Variants in SETD2 observed in about 807,000 individuals in gnomAD.
The protein encoded by SETD2 is histone-lysine N-methyltransferase SETD2.
Under a neutral mutation model 242.1 loss-of-function variants are expected in SETD2, and 31 were observed. The ratio of observed to expected loss-of-function variants is 0.13; its 90% CI spans 0.10 to 0.17. The LOEUF (loss-of-function observed/expected upper bound fraction) is 0.17. SETD2 is among the 10% of genes least tolerant of loss of function. The pLI is 1.00. For synonymous variants in SETD2, 1,006 were observed against 1,066.5 expected, an observed-to-expected ratio of 0.94 and a Z score of 1.11; for missense variants, 2,481 against 3,046.3, an observed-to-expected ratio of 0.81 and a Z score of 4.37.
intron 15 of SETD2, among the ~76,000 whole-genome samples, chr3:47,049,260 T>C (rs1258425121): frequency 1.4e-5 from 2 of 145,222 alleles, no homozygotes; most frequent in Admixed American, 1.4e-4. Flanking sequence ...TTTTTTTATA[T>C]CCTTATTCTT....
At chr3:47,147,135 C>T (rs959482721) in intron 1 of SETD2, among the ~76,000 whole-genome samples, 1 of 151,950 alleles carries the variant, frequency 6.6e-6, no homozygotes, top group Admixed American at 6.6e-5. Context: ...CTCAGCCTCC[C>T]AAGTAGCTGG....
rs180900605 is a variant in SETD2, at chr3:47,097,491, T to C, written c.5142+464A>G. 6.6e-5 allele frequency among the ~76,000 whole-genome samples: 10 copies of C among 152,268 alleles called. No individual in the cohort carries two copies. In the East Asian group the frequency reaches 1.7e-3, roughly 26 times the overall value. On this transcript the variant is annotated intron_variant, in intron 9 of 20. Transcript: ENST00000409792. ...ATGAGGCTATCAACTGCTGTTTCATTAAATAAAAAGAGCATCTGTGACTAC... is the reference window on the plus strand; with the variant it reads ...ATGAGGCTATCAACTGCTGTTTCATCAAATAAAAAGAGCATCTGTGACTAC...
chr3:47,039,782 GA>G (rs1324450500), intron 17 of SETD2, among the ~76,000 whole-genome samples: 1 of 147,026 alleles, frequency 6.8e-6, no homozygotes, highest in Non-Finnish European at 1.5e-5. Flanking sequence ...TCAGGAAGCT[GA>G]GAGGCAGGAG....
At chr3:47,067,674 T>G (rs2040623372) in intron 12 of SETD2, among the ~76,000 whole-genome samples, 1 of 151,988 alleles carries the variant, frequency 6.6e-6, no homozygotes. Flanking sequence ...CCTCCCAAAG[T>G]GCTGGGATTA....
In SETD2 at chr3:47,017,025, C is replaced by T. The variant is rs1211125879; in HGVS notation, c.*68G>A. 6.7e-7 allele frequency: 1 copy of T among 1,486,758 alleles called. No individual in the cohort carries two copies. The highest frequency in any genetic ancestry group is 9.3e-7 in the Non-Finnish European group (1 of 1,072,070). 92.1% of individuals were successfully genotyped at this position (1,486,758 alleles called of 1,614,324 possible). A position where few individuals can be genotyped will look rare whatever the true frequency, so the allele number is the denominator to read the frequency against. ...TGCTGACAGGGGTGGGACAGAAAGG[C>T]CCACAGGATTTCCTCTCCCTAGAGT... On this transcript the variant is annotated 3_prime_UTR_variant, in exon 21 of 21. Transcript: ENST00000409792. The surrounding 1 kb of genome is among the most constrained non-coding windows in gnomAD (Gnocchi z 4.8).
chr3:47,147,795 C>T (rs1307160918), intron 1 of SETD2, among the ~76,000 whole-genome samples: 5 of 150,932 alleles, frequency 3.3e-5, no homozygotes, highest in South Asian at 4.2e-4. Flanking sequence ...AGGTGGTGGG[C>T]GCCTGTAGTC....
chr3:47,113,855 G>T, intron 5 of SETD2, 21 bp downstream of exon 5: 1 of 1,603,796 alleles, frequency 6.2e-7, no homozygotes, highest in South Asian at 1.1e-5. Context: ...GGAAGTGAAA[G>T]GTAATTAAAA....
At chr3:47,145,519 T>C in intron 1 of SETD2, 1 of 433,684 alleles carries the variant, frequency 2.3e-6, no homozygotes, top group South Asian at 1.7e-5. Flanking sequence ...CTCAGGCTCC[T>C]GAAGGGACTA....
rs973016422 is a variant in SETD2, at chr3:47,080,716, G to A, written c.6060+3004C>T. 34 of 806,428 alleles carry A rather than the reference G, an allele frequency of 4.2e-5. No individual in the cohort carries two copies. The African/African-American group carries it at 6.2e-4, about 15-fold the overall frequency. 50.0% of individuals were successfully genotyped at this position (806,428 alleles called of 1,614,324 possible). On this transcript the variant is annotated intron_variant, in intron 12 of 20. Transcript: ENST00000409792. ...TGTGCTAGGTGATGTTTCTGGTTGA[G>A]GTCTACTTTAGGAGTCAAAATGTGT... is the stretch of plus-strand genomic sequence containing the variant.
At chr3:47,060,460 C>T (rs1223690805) in intron 14 of SETD2, among the ~76,000 whole-genome samples, 1 of 152,096 alleles carries the variant, frequency 6.6e-6, no homozygotes, top group Admixed American at 6.5e-5. Flanking sequence ...ATAGAAGCTA[C>T]AGTCATCATG....
chr3:47,094,836 T>C (rs1013329925), intron 9 of SETD2, among the ~76,000 whole-genome samples: 6 of 152,202 alleles, frequency 3.9e-5, no homozygotes, highest in African/African-American at 1.4e-4. Flanking sequence ...CTGTAGCCTA[T>C]GGAATGACTG....
At position 47,121,817 on chromosome 3, in the gene SETD2, C is replaced by A. The variant is rs751707090; in HGVS notation, c.2819G>T (p.Gly940Val). The change falls in exon 3 of 21, where the codon GGA becomes GTA. Residue 940 changes from glycine to valine, a missense_variant. By Grantham distance (109) the Gly-to-Val change is moderately radical. This residue lies in a region of SETD2 where 1,300 missense variants were observed against 1,259.2 expected (regional missense o/e 1.03). Transcript: ENST00000409792. Reference sequence around the variant, plus strand: ...GTTCTCCCTGGAAGCAAATCCCTTTCCTGAATCAGGAAGGTCACTACCTAC... The same window carrying A: ...GTTCTCCCTGGAAGCAAATCCCTTTACTGAATCAGGAAGGTCACTACCTAC... Reference protein sequence around the residue: ...VEVGSDLPDSGKGFASRENRR... With the variant: ...VEVGSDLPDSVKGFASRENRR... 30 of 1,614,000 alleles carry A rather than the reference C, an allele frequency of 1.9e-5. No homozygotes were observed. Among genetic ancestry groups the A allele is most frequent in the Non-Finnish European group, 2.5e-5 (29 of 1,180,000 alleles).
At chr3:47,095,119 C>T (rs1021026616) in intron 9 of SETD2, among the ~76,000 whole-genome samples, 2 of 152,064 alleles carry the variant, frequency 1.3e-5, no homozygotes, top group East Asian at 3.8e-4. Context: ...AAATAGGAAA[C>T]AGCCATTGGG....
intron 1 of SETD2, among the ~76,000 whole-genome samples, chr3:47,158,382 C>G (rs780442936): frequency 7.9e-5 from 12 of 152,156 alleles, no homozygotes; most frequent in Non-Finnish European, 1.5e-4. Flanking sequence ...AAAAGTTACA[C>G]ACCTTGTGCC....
chr3:47,118,447 C>G (rs111675602), intron 3 of SETD2, among the ~76,000 whole-genome samples: 1 of 151,944 alleles, frequency 6.6e-6, no homozygotes, highest in Admixed American at 6.6e-5. Flanking sequence ...ATAGGCCAGG[C>G]GTGGTAGCTC....
At chr3:47,115,573 A>T (rs1450672920) in intron 4 of SETD2, among the ~76,000 whole-genome samples, 1 of 152,184 alleles carries the variant, frequency 6.6e-6, no homozygotes, top group African/African-American at 2.4e-5. Context: ...GGGAAAAAAA[A>T]CCTTCACTAA....
At chr3:47,138,003 G>A (rs1460891719) in intron 1 of SETD2, among the ~76,000 whole-genome samples, 1 of 135,868 alleles carries the variant, frequency 7.4e-6, no homozygotes, top group East Asian at 2.2e-4. Context: ...ACGGAGTCTC[G>A]CTCTGTCGCC....
At chr3:47,119,364 T>A (rs940280143) in intron 3 of SETD2, 1 of 152,418 alleles carries the variant, frequency 6.6e-6, no homozygotes, top group Admixed American at 6.5e-5. Context: ...TTTATTACAC[T>A]ATTGCCAGAT....
chr3:47,038,208 C>T (rs574740527), intron 17 of SETD2, among the ~76,000 whole-genome samples: 1 of 152,334 alleles, frequency 6.6e-6, no homozygotes, highest in African/African-American at 2.4e-5. Flanking sequence ...TGTAACACCT[C>T]TCACAGTCCT....
Sources: allele counts gnomAD v4.1 joint callset (sites outside exome capture counted in the v4.1 genomes callset), GRCh38; gene constraint gnomAD v4.1.1; regional missense constraint gnomAD v4.1.1; non-coding constraint Gnocchi (gnomAD v3.1); transcripts MANE v1.5; gene names NCBI Gene and HGNC (gene_info 2026-07-23, HGNC 2026-07-21).